HSD17B12: variants seen among roughly 807,000 people sequenced by gnomAD.
HSD17B12 encodes hydroxysteroid 17-beta dehydrogenase 12.
A neutral mutation model predicts 39.3 loss-of-function variants in HSD17B12; 32 were observed. The ratio of observed to expected loss-of-function variants is 0.81; its 90% CI spans 0.61 to 1.09. HSD17B12 has a LOEUF of 1.09. Ranked by LOEUF, HSD17B12 falls within the 50% of genes least tolerant of loss-of-function variation. HSD17B12 has a pLI of 0.00. For missense variants in HSD17B12, 342 were observed against 382.9 expected (o/e 0.89, Z 0.89); for synonymous variants, 150 against 146.7 (o/e 1.02, Z -0.16).
the HSD17B12 span, among the ~76,000 whole-genome samples, chr11:43,662,062 T>C: frequency 3.9e-4 from 59 of 152,288 alleles, no homozygotes; most frequent in Admixed American, 1.1e-3. Flanking sequence ...AGGCTCGGCA[T>C]GGTGGTGCAC....
chr11:43,623,396 G>GT, the HSD17B12 span, among the ~76,000 whole-genome samples: 1,767 of 138,812 alleles, frequency 0.013, 34 homozygotes, highest in African/African-American at 0.039. Flanking sequence ...TGTTTTTTTT[G>GT]TTTTTTTTTT....
At chr11:43,746,859 T>C (rs1950416838) in intron 1 of HSD17B12, among the ~76,000 whole-genome samples, 1 of 152,200 alleles carries the variant, frequency 6.6e-6, no homozygotes, top group African/African-American at 2.4e-5. Context: ...ATTTTCCAGC[T>C]CCATTGTAAT....
chr11:43,679,542 C>T (rs968770081), upstream of HSD17B12, among the ~76,000 whole-genome samples: 3 of 152,142 alleles, frequency 2.0e-5, no homozygotes, highest in African/African-American at 7.2e-5. Context: ...ACGTAGTTCC[C>T]ATGCCTCTAT....
chr11:43,623,513 A>G, the HSD17B12 span, among the ~76,000 whole-genome samples: 1 of 152,050 alleles, frequency 6.6e-6, no homozygotes, highest in Non-Finnish European at 1.5e-5. Context: ...AATTGAACAA[A>G]TCTTATGTTT....
At chr11:43,696,198 G>A (rs950974604) in intron 1 of HSD17B12, among the ~76,000 whole-genome samples, 1 of 152,136 alleles carries the variant, frequency 6.6e-6, no homozygotes, top group Non-Finnish European at 1.5e-5. Context: ...TTATGGAGCA[G>A]ATAAATATTC....
chr11:43,598,404 T>TA, the HSD17B12 span, among the ~76,000 whole-genome samples: 1 of 152,006 alleles, frequency 6.6e-6, no homozygotes, highest in Non-Finnish European at 1.5e-5. Flanking sequence ...TGAGCTGGGG[T>TA]ATTTTTTTTT....
At chr11:43,742,140 T>TATATATA (rs1554964313) in intron 1 of HSD17B12, among the ~76,000 whole-genome samples, 69 of 50,948 alleles carry the variant, frequency 1.4e-3, no homozygotes, top group African/African-American at 3.3e-3. Flanking sequence ...TATATATATA[T>TATATATA]TTTTTTTTTT....
At chr11:43,739,185 G>T (rs4755736) in intron 1 of HSD17B12, among the ~76,000 whole-genome samples, 56,814 of 151,938 alleles carry the variant, frequency 0.37, 11,138 homozygotes, top group East Asian at 0.68. Flanking sequence ...TGTTTCAGTC[G>T]GGTGTGACAA....
In HSD17B12 at chr11:43,839,530, CTCTATACT is replaced by C. The variant is rs573674731; in HGVS notation, c.619-465_619-458del. On this transcript the variant is annotated intron_variant, in intron 8 of 10. Transcript: ENST00000278353. The stretch of plus-strand genomic sequence containing the variant: ...GAAGAAGATGGGCTGTCACATTCAC[CTCTATACT>C]TCTTGGATCTTGTCATCCCAAAGCA... Among the ~76,000 whole-genome samples the C allele has an allele frequency of 8.5e-5, 13 of 152,214 alleles. No individual in the cohort carries two copies. The South Asian group carries it at 2.1e-3, about 24-fold the overall frequency.
intron 3 of HSD17B12, among the ~76,000 whole-genome samples, chr11:43,789,725 G>T (rs1315579197): frequency 6.6e-6 from 1 of 152,166 alleles, no homozygotes; most frequent in Non-Finnish European, 1.5e-5. Flanking sequence ...ATAGCAGGTA[G>T]ATCACTTGAG....
At chr11:43,598,632 C>T in the HSD17B12 span, among the ~76,000 whole-genome samples, 1 of 152,192 alleles carries the variant, frequency 6.6e-6, no homozygotes, top group East Asian at 1.9e-4. Flanking sequence ...CCTAGGATTC[C>T]CATCATTGTC....
Position 43,704,932 on chromosome 11 carries a change from C to G in HSD17B12, c.160+23945C>G, listed in dbSNP as rs575205745. Among the ~76,000 whole-genome samples the G allele has an allele frequency of 5.3e-5, 8 of 152,222 alleles. No homozygotes were observed. The East Asian group carries it at 1.5e-3, about 29-fold the overall frequency. Reference sequence around the variant, plus strand: ...ACTCAGTTTGCCCACTCTGGAAGTACCTGAATGTTTCCTGTTACTTTGAGA... The same window carrying G: ...ACTCAGTTTGCCCACTCTGGAAGTAGCTGAATGTTTCCTGTTACTTTGAGA... On this transcript the variant is annotated intron_variant, in intron 1 of 10. Transcript: ENST00000278353.
the HSD17B12 span, chr11:43,584,737 A>G: frequency 6.6e-6 from 1 of 152,250 alleles, no homozygotes; most frequent in East Asian, 1.9e-4. Flanking sequence ...GCCTCCACAC[A>G]TACTTCCCAC....
intron 4 of HSD17B12, among the ~76,000 whole-genome samples, chr11:43,807,218 C>T (rs1187629169): frequency 6.6e-6 from 1 of 152,114 alleles, no homozygotes; most frequent in Non-Finnish European, 1.5e-5. Context: ...AGATAGCCAT[C>T]GAACAAGTAG....
chr11:43,619,747 A>C, the HSD17B12 span, among the ~76,000 whole-genome samples: 1 of 152,194 alleles, frequency 6.6e-6, no homozygotes, highest in Admixed American at 6.5e-5. Context: ...AAGAATGTCC[A>C]GATTAAAATA....
At chr11:43,570,064 C>G in the HSD17B12 span, 1 of 152,624 alleles carries the variant, frequency 6.6e-6, no homozygotes, top group South Asian at 2.1e-4. Flanking sequence ...ATGCTAGATT[C>G]AGTCCATCAC....
At chr11:43,667,076 A>G in the HSD17B12 span, among the ~76,000 whole-genome samples, 2 of 152,252 alleles carry the variant, frequency 1.3e-5, no homozygotes, top group African/African-American at 4.8e-5. Context: ...CAAATGAACA[A>G]TTCATAAGTA....
chr11:43,822,924 T>C (rs1951196859), intron 6 of HSD17B12, among the ~76,000 whole-genome samples: 1 of 152,192 alleles, frequency 6.6e-6, no homozygotes, highest in African/African-American at 2.4e-5. Context: ...TCCACAATGG[T>C]TGAACTAGTT....
intron 4 of HSD17B12, among the ~76,000 whole-genome samples, chr11:43,804,272 C>T (rs544754101): frequency 6.6e-6 from 1 of 152,278 alleles, no homozygotes; most frequent in Admixed American, 6.5e-5. Context: ...CTTCTCTGTC[C>T]ATAGTGTTGA....
Sources: allele counts gnomAD v4.1 joint callset (sites outside exome capture counted in the v4.1 genomes callset), GRCh38; gene constraint gnomAD v4.1.1; transcripts MANE v1.5; gene names NCBI Gene and HGNC (gene_info 2026-07-23, HGNC 2026-07-21).